Variants in NRXN1 observed in about 807,000 individuals in gnomAD.
NRXN1 encodes neurexin-1.
A neutral mutation model predicts 150.9 loss-of-function variants in NRXN1; 39 were observed. The ratio of observed to expected loss-of-function variants is 0.26; its 90% CI spans 0.20 to 0.34. The LOEUF is 0.34. Ranked by LOEUF, NRXN1 falls within the 10% of genes least tolerant of loss-of-function variation. The pLI is 1.00. For synonymous variants in NRXN1, 924 were observed against 757.0 expected, an observed-to-expected ratio of 1.22 and a Z score of -3.62; for missense variants, 1,815 against 1,949.9, an observed-to-expected ratio of 0.93 and a Z score of 1.30.
intron 8 of NRXN1, among the ~76,000 whole-genome samples, chr2:50,578,922 C>G (rs1432619487): frequency 1.3e-5 from 2 of 152,132 alleles, no homozygotes; most frequent in African/African-American, 4.8e-5. Flanking sequence ...AACTTGCTCT[C>G]AACACTGAGG....
intron 5 of NRXN1, among the ~76,000 whole-genome samples, chr2:50,808,682 T>C (rs1279945089): frequency 6.6e-6 from 1 of 152,126 alleles, no homozygotes; most frequent in Non-Finnish European, 1.5e-5. Context: ...ACTTGGCCTC[T>C]GATAATTTTA....
At chr2:51,008,418 G>C (rs1259827751) in intron 2 of NRXN1, among the ~76,000 whole-genome samples, 1 of 151,764 alleles carries the variant, frequency 6.6e-6, no homozygotes, top group Admixed American at 6.6e-5. Flanking sequence ...TTTTCTCCTT[G>C]CTATTTAGAT....
chr2:50,444,451 T>G (rs1473546350), intron 17 of NRXN1, among the ~76,000 whole-genome samples: 1 of 152,138 alleles, frequency 6.6e-6, no homozygotes, highest in Non-Finnish European at 1.5e-5. Flanking sequence ...TTTACTTGTC[T>G]TTGGATTTAC....
At chr2:49,981,149 A>C (rs1229394718) in intron 21 of NRXN1, among the ~76,000 whole-genome samples, 2 of 152,072 alleles carry the variant, frequency 1.3e-5, no homozygotes, top group Admixed American at 6.6e-5. Flanking sequence ...GCTTTTTGGC[A>C]TGCTATGTAT....
At chr2:50,574,878 T>C (rs1483456125) in intron 8 of NRXN1, among the ~76,000 whole-genome samples, 1 of 152,196 alleles carries the variant, frequency 6.6e-6, no homozygotes, top group Non-Finnish European at 1.5e-5. Flanking sequence ...GTGCTTTGGC[T>C]GCAGAAGTTG....
At chr2:50,689,596 G>A (rs976426932) in intron 5 of NRXN1, among the ~76,000 whole-genome samples, 8 of 152,182 alleles carry the variant, frequency 5.3e-5, no homozygotes, top group Non-Finnish European at 1.0e-4. Context: ...ATGGTTGCTT[G>A]GTCTTGCACT....
At chr2:50,323,914 C>T (rs901043771) in intron 17 of NRXN1, among the ~76,000 whole-genome samples, 1 of 152,084 alleles carries the variant, frequency 6.6e-6, no homozygotes, top group African/African-American at 2.4e-5. Flanking sequence ...GTACCAACCG[C>T]CAGAAACAAG....
At chr2:50,267,370 A>G (rs2069019744) in intron 17 of NRXN1, among the ~76,000 whole-genome samples, 1 of 152,158 alleles carries the variant, frequency 6.6e-6, no homozygotes, top group African/African-American at 2.4e-5. Flanking sequence ...AAAATGTAAA[A>G]CTCAGAAGAA....
chr2:50,165,474 G>A (rs1226583416), intron 18 of NRXN1, among the ~76,000 whole-genome samples: 6 of 152,020 alleles, frequency 3.9e-5, no homozygotes, highest in African/African-American at 1.4e-4. Context: ...TCAGCCTCCC[G>A]ACTAGGTGGG....
chr2:50,897,389 T>C (rs538617262), intron 5 of NRXN1, among the ~76,000 whole-genome samples: 1 of 152,264 alleles, frequency 6.6e-6, no homozygotes, highest in South Asian at 2.1e-4. Context: ...ATTCTAAAAC[T>C]TATCTCCAAC....
At chr2:50,033,587 A>T (rs928869973) in intron 21 of NRXN1, among the ~76,000 whole-genome samples, 1 of 152,140 alleles carries the variant, frequency 6.6e-6, no homozygotes, top group East Asian at 1.9e-4. Flanking sequence ...CATGATAAAG[A>T]CACCAAAAGC....
chr2:50,748,336 A>G lies in NRXN1; in HGVS notation c.833-124721T>C, dbSNP rs1263422344. ...GGTTAAATAGAAACTGTGATTATGCATCACTGCATTGCTAATATCTCTATG... is the reference window on the plus strand; with the variant it reads ...GGTTAAATAGAAACTGTGATTATGCGTCACTGCATTGCTAATATCTCTATG... On this transcript the variant is annotated intron_variant, in intron 5 of 22. Transcript: ENST00000401669. Among the ~76,000 whole-genome samples the G allele has an allele frequency of 1.3e-5, 2 of 152,166 alleles. 1 individual carries two copies. The highest frequency in any genetic ancestry group is 2.9e-5 in the Non-Finnish European group (2 of 68,038).
chr2:50,878,674 CT>C (rs1678970952), intron 5 of NRXN1, among the ~76,000 whole-genome samples: 1 of 151,850 alleles, frequency 6.6e-6, no homozygotes, highest in African/African-American at 2.4e-5. Context: ...GTATGTTTCC[CT>C]TATGCCAACC....
intron 2 of NRXN1, among the ~76,000 whole-genome samples, chr2:50,973,516 G>T (rs1489827702): frequency 6.6e-6 from 1 of 152,106 alleles, no homozygotes; most frequent in African/African-American, 2.4e-5. Context: ...AGAGTTATCT[G>T]ATTCGGGAGT....
Position 50,908,829 on chromosome 2 carries a change from A to T in NRXN1, c.832+13040T>A, listed in dbSNP as rs1364688106. Among the ~76,000 whole-genome samples the T allele has an allele frequency of 5.3e-5, 8 of 151,988 alleles. No homozygotes were observed. In the East Asian group the frequency reaches 1.6e-3, roughly 30 times the overall value. On this transcript the variant is annotated intron_variant, in intron 5 of 22. Transcript: ENST00000401669. ...GACAGGTGGCTTTAAGAAGAGGAAGAGAGACCTGAGCTGGCAGGGACTCTC... is the reference window on the plus strand; with the variant it reads ...GACAGGTGGCTTTAAGAAGAGGAAGTGAGACCTGAGCTGGCAGGGACTCTC...
At chr2:50,954,323 C>T (rs967044395) in intron 2 of NRXN1, among the ~76,000 whole-genome samples, 3 of 152,110 alleles carry the variant, frequency 2.0e-5, no homozygotes, top group Non-Finnish European at 2.9e-5. Context: ...GAAGGGATGG[C>T]GTTATGTGGA....
At chr2:50,119,492 C>T (rs1703547866) in intron 18 of NRXN1, among the ~76,000 whole-genome samples, 1 of 151,172 alleles carries the variant, frequency 6.6e-6, no homozygotes, top group Non-Finnish European at 1.5e-5. Context: ...TCTAAAGCCC[C>T]GCGGCAGGGA....
intron 18 of NRXN1, among the ~76,000 whole-genome samples, chr2:50,160,885 C>T (rs2059324099): frequency 6.6e-6 from 1 of 152,032 alleles, no homozygotes; most frequent in Non-Finnish European, 1.5e-5. Flanking sequence ...AAAAATTATA[C>T]ATATCTTTTT....
intron 5 of NRXN1, among the ~76,000 whole-genome samples, chr2:50,738,765 A>G (rs1366469121): frequency 1.3e-5 from 2 of 152,176 alleles, no homozygotes; most frequent in Non-Finnish European, 2.9e-5. Context: ...AGAACAAACA[A>G]TCAAATGTAT....
Sources: allele counts gnomAD v4.1 joint callset (sites outside exome capture counted in the v4.1 genomes callset), GRCh38; gene constraint gnomAD v4.1.1; transcripts MANE v1.5; gene names NCBI Gene and HGNC (gene_info 2026-07-23, HGNC 2026-07-21).